NALF1: variants seen among roughly 807,000 people sequenced by gnomAD.
The protein encoded by NALF1 is family with sequence similarity 155 member A.
NALF1 carries 3 observed loss-of-function variants against 48.4 expected under a neutral mutation model. The ratio of observed to expected loss-of-function variants is 0.06; its 90% confidence interval spans 0.03 to 0.16. The LOEUF (loss-of-function observed/expected upper bound fraction) is 0.16, where lower values mean the gene tolerates loss of function less well. Ranked by LOEUF, NALF1 falls within the 10% of genes least tolerant of loss-of-function variation. The pLI, the probability that NALF1 is intolerant of heterozygous loss-of-function variation, is 1.00. For missense variants in NALF1, 526 were observed against 571.5 expected (o/e 0.92, Z 0.81); for synonymous variants, 262 against 245.7 (o/e 1.07, Z -0.62).
At chr13:107,432,867 A>G (rs772524773) in intron 1 of NALF1, among the ~76,000 whole-genome samples, 1 of 152,178 alleles carries the variant, frequency 6.6e-6, no homozygotes, top group Admixed American at 6.5e-5. Flanking sequence ...TAGTTAAGGT[A>G]AAAAATAAAC....
intron 1 of NALF1, among the ~76,000 whole-genome samples, chr13:107,327,198 C>A (rs1160559883): frequency 6.6e-6 from 1 of 152,024 alleles, no homozygotes; most frequent in Non-Finnish European, 1.5e-5. Context: ...TAGCTTTTAC[C>A]TGCCTCTAAA....
intron 1 of NALF1, among the ~76,000 whole-genome samples, chr13:107,645,647 C>G (rs1018709454): frequency 4.1e-5 from 6 of 145,600 alleles, no homozygotes; most frequent in Non-Finnish European, 7.4e-5. Context: ...ACTCAAATTT[C>G]TCTGTCTCTA....
chr13:107,311,546 A>T (rs1882046284), intron 1 of NALF1, among the ~76,000 whole-genome samples: 1 of 150,536 alleles, frequency 6.6e-6, no homozygotes, highest in Non-Finnish European at 1.5e-5. Flanking sequence ...TCATTTATTA[A>T]ATTATATTTA....
At chr13:107,512,326 G>A (rs1210243968) in intron 1 of NALF1, among the ~76,000 whole-genome samples, 2 of 152,246 alleles carry the variant, frequency 1.3e-5, no homozygotes, top group Middle Eastern at 3.4e-3. Flanking sequence ...CCTGGGAGGC[G>A]GAGGTTGCAG....
chr13:107,343,543 G>A lies in NALF1; in HGVS notation c.916-132788C>T, dbSNP rs532169133. Among the ~76,000 whole-genome samples the A allele has an allele frequency of 3.7e-4, 56 of 152,210 alleles. 1 individual carries two copies. Among genetic ancestry groups the A allele is most frequent in the African/African-American group, 1.2e-3 (49 of 41,534 alleles). Reference sequence around the variant, plus strand: ...CGTGACTTGCTCCTCCTTGCCTTCTGCCATGATTGTGAGGCTTTTCCAGCC... The same window carrying A: ...CGTGACTTGCTCCTCCTTGCCTTCTACCATGATTGTGAGGCTTTTCCAGCC... On this transcript the variant is annotated intron_variant, in intron 1 of 2. Coordinates refer to ENST00000375915, the MANE Select transcript of NALF1 (RefSeq NM_001080396.3).
At chr13:107,678,668 C>A (rs1171601555) in intron 1 of NALF1, among the ~76,000 whole-genome samples, 2 of 152,148 alleles carry the variant, frequency 1.3e-5, no homozygotes, top group African/African-American at 4.8e-5. Flanking sequence ...CTGGGGAGAA[C>A]TCAGGAAACT....
At chr13:107,722,903 C>A (rs191064572) in intron 1 of NALF1, among the ~76,000 whole-genome samples, 24 of 152,314 alleles carry the variant, frequency 1.6e-4, no homozygotes, top group African/African-American at 5.1e-4. Flanking sequence ...CTGTACATGG[C>A]GGCTCTGAGC....
chr13:107,179,962 C>T (rs1879028479), intron 2 of NALF1, among the ~76,000 whole-genome samples: 1 of 143,196 alleles, frequency 7.0e-6, no homozygotes, highest in Non-Finnish European at 1.5e-5. Context: ...TCTAGTATGG[C>T]CTCATTTTAA....
At chr13:107,432,593 G>A (rs1474991423) in intron 1 of NALF1, among the ~76,000 whole-genome samples, 2 of 152,120 alleles carry the variant, frequency 1.3e-5, no homozygotes, top group African/African-American at 2.4e-5. Context: ...ACGAATGAGT[G>A]ACTGTGAGGA....
At position 107,362,923 on chromosome 13, in the gene NALF1, T is replaced by A. The variant is rs12430847; in HGVS notation, c.916-152168A>T. ...ATGATAAAGGTAGAAACTATCTTCTTATATCCCTTTTCATAGAACTATGAT... is the reference window on the plus strand; with the variant it reads ...ATGATAAAGGTAGAAACTATCTTCTAATATCCCTTTTCATAGAACTATGAT... On this transcript the variant is annotated intron_variant, in intron 1 of 2. Coordinates refer to ENST00000375915, the MANE Select transcript of NALF1 (RefSeq NM_001080396.3). This position sits in a 1 kb window ranked among gnomAD's most constrained non-coding sequence, Gnocchi z 4.6. Among the ~76,000 whole-genome samples the A allele has an allele frequency of 0.053, 8,065 of 152,194 alleles. 255 individuals carry two copies. Among genetic ancestry groups the A allele is most frequent in the South Asian group, 0.078 (377 of 4,822 alleles).
Position 107,164,038 on chromosome 13 carries a change from C to T in NALF1, c.*6459G>A, listed in dbSNP as rs1226753299. On this transcript the variant is annotated 3_prime_UTR_variant, in exon 3 of 3. Coordinates refer to ENST00000375915, the MANE Select transcript of NALF1 (RefSeq NM_001080396.3). ...TGGCCATAAGTTGAAATTTGCGTTT[C>T]GGTAAAAATGACCTTCTACTTGGCT... 1 of 152,142 alleles carries T rather than the reference C, an allele frequency of 6.6e-6. No individual in the cohort carries two copies. The highest frequency in any genetic ancestry group is 1.5e-5 in the Non-Finnish European group (1 of 68,030). The allele number at this position is 152,142 out of a possible 1,614,324, so 9.4% of individuals were successfully genotyped here.
At chr13:107,534,853 A>G (rs1357670292) in intron 1 of NALF1, among the ~76,000 whole-genome samples, 1 of 152,162 alleles carries the variant, frequency 6.6e-6, no homozygotes, top group Non-Finnish European at 1.5e-5. Flanking sequence ...TAAAGTACAG[A>G]GTATTCAGTG....
chr13:107,348,061 G>C (rs558007882), intron 1 of NALF1, among the ~76,000 whole-genome samples: 1 of 152,310 alleles, frequency 6.6e-6, no homozygotes, highest in African/African-American at 2.4e-5. Context: ...TTCAGAACAT[G>C]CTGGTTAGTT....
chr13:107,612,628 C>A (rs901566841), intron 1 of NALF1, among the ~76,000 whole-genome samples: 1 of 152,070 alleles, frequency 6.6e-6, no homozygotes, highest in Non-Finnish European at 1.5e-5. Context: ...AGCTCCTCCT[C>A]CCTGAATGAG....
At chr13:107,639,967 G>A (rs1251146361) in intron 1 of NALF1, among the ~76,000 whole-genome samples, 1 of 152,090 alleles carries the variant, frequency 6.6e-6, no homozygotes, top group South Asian at 2.1e-4. Flanking sequence ...TATTACAGCT[G>A]TTTTGAATTC....
intron 1 of NALF1, among the ~76,000 whole-genome samples, chr13:107,782,106 C>T (rs947187383): frequency 6.6e-5 from 10 of 152,318 alleles, no homozygotes; most frequent in Admixed American, 2.6e-4. Flanking sequence ...GATGCCGAGC[C>T]GAAGCTGGAC....
At chr13:107,459,660 G>T (rs953187659) in intron 1 of NALF1, among the ~76,000 whole-genome samples, 2 of 152,156 alleles carry the variant, frequency 1.3e-5, no homozygotes, top group East Asian at 3.9e-4. Flanking sequence ...CAGAGCTTAC[G>T]TCTCCTGGAG....
chr13:107,254,687 A>G (rs1463613435), intron 1 of NALF1, among the ~76,000 whole-genome samples: 1 of 152,224 alleles, frequency 6.6e-6, no homozygotes, highest in African/African-American at 2.4e-5. Context: ...CCTACACAAG[A>G]CTTTTCCTTC....
chr13:107,280,690 C>G (rs936920490), intron 1 of NALF1, among the ~76,000 whole-genome samples: 1 of 152,156 alleles, frequency 6.6e-6, no homozygotes, highest in Non-Finnish European at 1.5e-5. Flanking sequence ...AAGAGTCTTT[C>G]TATTCCGAAT....
Sources: gnomAD v4.1 joint callset for allele counts (sites outside exome capture counted in the v4.1 genomes callset) on GRCh38, gnomAD v4.1.1 for gene constraint, Gnocchi (gnomAD v3.1) non-coding constraint, MANE v1.5 for transcripts, NCBI Gene and HGNC (gene_info 2026-07-23, HGNC 2026-07-21) for gene names.